NEURL1B: variants seen among roughly 807,000 people sequenced by gnomAD.
The protein encoded by NEURL1B is E3 ubiquitin-protein ligase NEURL1B.
A neutral mutation model predicts 37.4 loss-of-function variants in NEURL1B; 13 were observed. The observed-to-expected ratio is 0.35, with a 90% CI of 0.23 to 0.55. NEURL1B has a LOEUF of 0.55. Ranked by LOEUF, NEURL1B falls within the 20% of genes least tolerant of loss-of-function variation. NEURL1B has a pLI of 0.89. For synonymous variants in NEURL1B, 432 were observed against 426.6 expected (o/e 1.01, Z -0.16); for missense variants, 790 against 879.2 (o/e 0.90, Z 1.28).
At position 172,641,883 on chromosome 5, in the gene NEURL1B, C is replaced by T. The variant is rs963816283; in HGVS notation, c.31+446C>T. On this transcript the variant is annotated intron_variant, in intron 1 of 4. Transcript: ENST00000369800. This position sits in a 1 kb window ranked among gnomAD's most constrained non-coding sequence, Gnocchi z 6.4. ...AGTGAGGGGTGCTCTCAGGGGCACC[C>T]CAGTTTCCAGCCTCCCAGCGCCCCC... is the stretch of plus-strand genomic sequence containing the variant. 1.3e-5 allele frequency among the ~76,000 whole-genome samples: 2 copies of T among 152,204 alleles called. No individual in the cohort carries two copies. The highest frequency in any genetic ancestry group is 4.8e-5 in the African/African-American group (2 of 41,462).
At chr5:172,642,773 C>T (rs1375889188) in intron 1 of NEURL1B, among the ~76,000 whole-genome samples, 2 of 152,330 alleles carry the variant, frequency 1.3e-5, no homozygotes, top group African/African-American at 4.8e-5. Context: ...TAGTCAGTGG[C>T]AGAGGTGGGA....
At chr5:172,668,416 T>C (rs1173171663) in intron 1 of NEURL1B, among the ~76,000 whole-genome samples, 1 of 152,184 alleles carries the variant, frequency 6.6e-6, no homozygotes, top group Non-Finnish European at 1.5e-5. Context: ...CCAGGCGTGA[T>C]TTCCTCCCCC....
chr5:172,663,824 A>ATG (rs1561645788), intron 1 of NEURL1B, among the ~76,000 whole-genome samples: 1 of 46,662 alleles, frequency 2.1e-5, no homozygotes, highest in Non-Finnish European at 5.4e-5. Context: ...AAGAGGTTTT[A>ATG]TTTGTTTATT....
At chr5:172,677,636 C>T (rs1165715918) in intron 2 of NEURL1B, among the ~76,000 whole-genome samples, 1 of 152,214 alleles carries the variant, frequency 6.6e-6, no homozygotes, top group African/African-American at 2.4e-5. Flanking sequence ...TTTCCTAGAA[C>T]CTCAAGCCCT....
At chr5:172,649,874 A>G (rs1397214803) in intron 1 of NEURL1B, among the ~76,000 whole-genome samples, 2 of 152,140 alleles carry the variant, frequency 1.3e-5, no homozygotes, top group African/African-American at 4.8e-5. Context: ...TCCCAGGACC[A>G]CAGACCCAGC....
At chr5:172,651,961 A>G (rs1174281214) in intron 1 of NEURL1B, among the ~76,000 whole-genome samples, 1 of 152,242 alleles carries the variant, frequency 6.6e-6, no homozygotes, top group African/African-American at 2.4e-5. Context: ...CTAAAACACA[A>G]GTGCCACTCC....
intron 1 of NEURL1B, among the ~76,000 whole-genome samples, chr5:172,643,530 C>T (rs1041249593): frequency 6.6e-6 from 1 of 152,176 alleles, no homozygotes; most frequent in Non-Finnish European, 1.5e-5. Context: ...TCCTGCTCAT[C>T]GTTGCAATGA....
chr5:172,682,200 T>C (rs1358133135), intron 2 of NEURL1B, among the ~76,000 whole-genome samples: 2 of 152,248 alleles, frequency 1.3e-5, no homozygotes, highest in African/African-American at 4.8e-5. Flanking sequence ...TTTTTGCTTT[T>C]TTACCTATGT....
At position 172,687,258 on chromosome 5, in the gene NEURL1B, A is replaced by AAG. The variant is rs1758523758; in HGVS notation, c.*334_*335dup. The AAG allele has an allele frequency of 1.8e-5, 3 of 165,342 alleles. No homozygotes were observed. The Admixed American group carries it at 1.9e-4, about 11-fold the overall frequency. 10.2% of individuals were successfully genotyped at this position (165,342 alleles called of 1,614,324 possible). A position where few individuals can be genotyped will look rare whatever the true frequency, so the allele number is the denominator to read the frequency against. The stretch of plus-strand genomic sequence containing the variant: ...GCTGGGGTTGGGTTGAGTGTGAGAG[A>AAG]AGGGGAGGGGAGGGAGGGAGAACAG... On this transcript the variant is annotated 3_prime_UTR_variant, in exon 5 of 5. Transcript: ENST00000369800.
chr5:172,665,257 C>T lies in NEURL1B; in HGVS notation c.32-4528C>T, dbSNP rs1232917982. ...TTGGCCTGCTGGGCACTGGGGGAAGCTGCACCAGGAGCTGAGTGTCGTGCA... is the reference window on the plus strand; with the variant it reads ...TTGGCCTGCTGGGCACTGGGGGAAGTTGCACCAGGAGCTGAGTGTCGTGCA... On this transcript the variant is annotated intron_variant, in intron 1 of 4. Coordinates refer to ENST00000369800, the MANE Select transcript of NEURL1B (RefSeq NM_001142651.3). The surrounding 1 kb of genome is among the most constrained non-coding windows in gnomAD (Gnocchi z 4.1). 6.6e-6 allele frequency among the ~76,000 whole-genome samples: 1 copy of T among 152,246 alleles called. No homozygotes were observed. The highest frequency in any genetic ancestry group is 2.4e-5 in the African/African-American group (1 of 41,456).
At position 172,683,178 on chromosome 5, in the gene NEURL1B, C is replaced by T. The variant is rs1758396358; in HGVS notation, c.578-241C>T. 6.6e-6 allele frequency among the ~76,000 whole-genome samples: 1 copy of T among 152,176 alleles called. No individual in the cohort carries two copies. Among genetic ancestry groups the T allele is most frequent in the African/African-American group, 2.4e-5 (1 of 41,436 alleles). ...AGGGGAAAAAGGGCCTTATCTGCCG[C>T]TCCCAAAGGTAAGAGCATGTCAAGG... On this transcript the variant is annotated intron_variant, in intron 2 of 4. Transcript: ENST00000369800. This position sits in a 1 kb window ranked among gnomAD's most constrained non-coding sequence, Gnocchi z 5.6.
intron 1 of NEURL1B, among the ~76,000 whole-genome samples, chr5:172,642,919 C>T (rs1238657971): frequency 6.6e-6 from 1 of 152,228 alleles, no homozygotes; most frequent in Non-Finnish European, 1.5e-5. Flanking sequence ...GATATTCTCG[C>T]CACATAGACA....
intron 1 of NEURL1B, among the ~76,000 whole-genome samples, chr5:172,668,738 A>G (rs1326082999): frequency 6.6e-6 from 1 of 152,182 alleles, no homozygotes; most frequent in Admixed American, 6.5e-5. Context: ...AGATTCATGT[A>G]GTAATCTCCC....
chr5:172,666,332 G>T (rs942984266), intron 1 of NEURL1B, among the ~76,000 whole-genome samples: 4 of 152,198 alleles, frequency 2.6e-5, no homozygotes, highest in African/African-American at 4.8e-5. Flanking sequence ...CATGCATGCT[G>T]GGGATGGCTA....
chr5:172,648,332 C>CAAT (rs1283545937), intron 1 of NEURL1B, among the ~76,000 whole-genome samples: 1 of 152,246 alleles, frequency 6.6e-6, no homozygotes, highest in Non-Finnish European at 1.5e-5. Flanking sequence ...CTCCTCCACA[C>CAAT]TGATCTTAGG....
In NEURL1B at chr5:172,686,699, C is replaced by T. The variant is rs771727458; in HGVS notation, c.1442C>T (p.Pro481Leu). 36 of 1,550,370 alleles carry T rather than the reference C, an allele frequency of 2.3e-5. No homozygotes were observed. The highest frequency in any genetic ancestry group is 4.1e-5 in the African/African-American group (3 of 73,048). ...ESSLVTAPSS[P>L]LSPPVSPVFS... ...TCGGCAGTGACGGCCCCCAGCTCCCCGCTGAGCCCCCCGGTGTCCCCCGTG... is the reference window on the plus strand; with the variant it reads ...TCGGCAGTGACGGCCCCCAGCTCCCTGCTGAGCCCCCCGGTGTCCCCCGTG... Residue 481 changes from proline (P) to leucine (L), a missense_variant, in exon 5 of 5, where the codon CCG becomes CTG. Around this residue, in one of 3 missense-constraint regions of NEURL1B, gnomAD observed 115 missense variants for 162.6 expected, o/e 0.71. Transcript: ENST00000369800. This position sits in a 1 kb window ranked among gnomAD's most constrained non-coding sequence, Gnocchi z 7.9.
rs1244616573 is a variant in NEURL1B, at chr5:172,661,980, C to T, written c.32-7805C>T. 6.6e-6 allele frequency among the ~76,000 whole-genome samples: 1 copy of T among 152,164 alleles called. No individual in the cohort carries two copies. Among genetic ancestry groups the T allele is most frequent in the Non-Finnish European group, 1.5e-5 (1 of 68,022 alleles). On this transcript the variant is annotated intron_variant, in intron 1 of 4. Transcript: ENST00000369800. The surrounding 1 kb of genome is among the most constrained non-coding windows in gnomAD (Gnocchi z 4.0). ...CCCCAGGGTTTTCAAGAGGCCTCTG[C>T]TGGCCAAGGTTATGAGCCCTACACG...
In NEURL1B at chr5:172,669,840, C is replaced by T. The variant is rs547475368; in HGVS notation, c.87C>T (p.Pro29=). The T allele has an allele frequency of 6.7e-6, 9 of 1,352,340 alleles. No individual in the cohort carries two copies. Among genetic ancestry groups the T allele is most frequent in the Admixed American group, 4.0e-5 (1 of 24,704 alleles). 83.8% of individuals were successfully genotyped at this position (1,352,340 alleles called of 1,614,324 possible). Residue 29 remains proline (P), a synonymous_variant, in exon 2 of 5, where the codon CCC becomes CCT. Coordinates refer to ENST00000369800, the MANE Select transcript of NEURL1B (RefSeq NM_001142651.3). ...LATRPCCGPG[P]ERRPVLGEAP... is the part of the protein sequence containing the mutation. The stretch of plus-strand genomic sequence containing the variant: ...CCCGGCCGTGCTGCGGCCCCGGCCC[C>T]GAGCGACGCCCGGTCCTGGGCGAGG...
intron 1 of NEURL1B, among the ~76,000 whole-genome samples, chr5:172,643,297 A>G (rs1376305994): frequency 6.6e-6 from 1 of 152,166 alleles, no homozygotes. Flanking sequence ...AAGAATATGA[A>G]GGGCCGTTAA....
Sources: allele counts gnomAD v4.1 joint callset (sites outside exome capture counted in the v4.1 genomes callset), GRCh38; gene constraint gnomAD v4.1.1; regional missense constraint gnomAD v4.1.1; non-coding constraint Gnocchi (gnomAD v3.1); transcripts MANE v1.5; gene names NCBI Gene and HGNC (gene_info 2026-07-23, HGNC 2026-07-21).